Variants in ROBO1 observed in about 807,000 individuals in gnomAD.
The protein encoded by ROBO1 is roundabout guidance receptor 1.
A neutral mutation model predicts 195.9 loss-of-function variants in ROBO1; 149 were observed. The observed-to-expected ratio is 0.76, with a 90% CI of 0.67 to 0.87. The LOEUF is 0.87. Ranked by LOEUF, ROBO1 falls within the 40% of genes least tolerant of loss-of-function variation. ROBO1 has a pLI of 0.00. For synonymous variants in ROBO1, 816 were observed against 733.2 expected (o/e 1.11, Z -1.82); for missense variants, 1,933 against 2,068.3 (o/e 0.93, Z 1.27).
chr3:78,762,038 T>G (rs1191708770), intron 4 of ROBO1, among the ~76,000 whole-genome samples: 3 of 152,072 alleles, frequency 2.0e-5, no homozygotes, highest in East Asian at 3.8e-4. Flanking sequence ...CAAATGAAAT[T>G]CACAGTTGTT....
intron 5 of ROBO1, among the ~76,000 whole-genome samples, chr3:78,726,782 C>T (rs2082172029): frequency 6.6e-6 from 1 of 152,106 alleles, no homozygotes; most frequent in Admixed American, 6.6e-5. Context: ...GTGAAATCAG[C>T]TGCAGTACAG....
intron 4 of ROBO1, among the ~76,000 whole-genome samples, chr3:78,781,994 A>G (rs1344668259): frequency 6.6e-6 from 1 of 152,064 alleles, no homozygotes; most frequent in Non-Finnish European, 1.5e-5. Context: ...ATTATCTTTC[A>G]CTGCAACTGT....
At chr3:79,573,984 A>G (rs751260706) in intron 2 of ROBO1, among the ~76,000 whole-genome samples, 2 of 152,136 alleles carry the variant, frequency 1.3e-5, no homozygotes, top group African/African-American at 2.4e-5. Flanking sequence ...ACAAATTGCA[A>G]CTATCCAGGG....
At chr3:79,569,674 TA>T in intron 2 of ROBO1, among the ~76,000 whole-genome samples, 1 of 105,172 alleles carries the variant, frequency 9.5e-6, no homozygotes, top group Non-Finnish European at 1.9e-5. Flanking sequence ...TGTGTGTGTG[TA>T]TATATGTGTG....
intron 2 of ROBO1, among the ~76,000 whole-genome samples, chr3:79,250,021 A>T (rs2082691420): frequency 6.6e-6 from 1 of 152,216 alleles, no homozygotes; most frequent in South Asian, 2.1e-4. Flanking sequence ...CCAGGGAAGT[A>T]ATCACTAGTT....
chr3:79,669,593 T>G (rs1489811541), intron 1 of ROBO1, among the ~76,000 whole-genome samples: 1 of 151,880 alleles, frequency 6.6e-6, no homozygotes, highest in African/African-American at 2.4e-5. Flanking sequence ...GTAGTAGACT[T>G]TACTATCTAC....
At chr3:78,819,563 TAAATC>T (rs780746197) in intron 4 of ROBO1, among the ~76,000 whole-genome samples, 13 of 152,250 alleles carry the variant, frequency 8.5e-5, no homozygotes, top group Non-Finnish European at 1.5e-4. Flanking sequence ...AGCTGTCTGA[TAAATC>T]AAGTTTCATG....
At chr3:79,260,040 C>CA (rs2082910227) in intron 2 of ROBO1, among the ~76,000 whole-genome samples, 1 of 150,390 alleles carries the variant, frequency 6.6e-6, no homozygotes, top group South Asian at 2.1e-4. Flanking sequence ...AAAGAATGAA[C>CA]AAAAAAATTA....
Position 78,617,923 on chromosome 3 carries a change from C to T in ROBO1, c.3994G>A (p.Asp1332Asn), listed in dbSNP as rs745553909. The change falls in exon 27 of 31, where the codon GAC becomes AAC. Residue 1332 changes from aspartate to asparagine, a missense_variant. Around this residue, in one of 3 missense-constraint regions of ROBO1, gnomAD observed 1,737 missense variants for 1,882.5 expected, o/e 0.92. Coordinates refer to ENST00000464233, the MANE Select transcript of ROBO1 (RefSeq NM_002941.4). Reference protein sequence around the residue: ...MDTDAPEEEEDEADMEVAKMQ... With the variant: ...MDTDAPEEEENEADMEVAKMQ... ...TTGGCTACCTCCATGTCGGCTTCGT[C>T]TTCTTCCTCTTCTGGCGCATCCGTA... The T allele has an allele frequency of 6.2e-7, 1 of 1,614,002 alleles. No individual in the cohort carries two copies. Among genetic ancestry groups the T allele is most frequent in the Non-Finnish European group, 8.5e-7 (1 of 1,179,890 alleles).
At chr3:78,675,343 G>A (rs534532437) in intron 10 of ROBO1, among the ~76,000 whole-genome samples, 103 of 152,010 alleles carry the variant, frequency 6.8e-4, no homozygotes, top group Non-Finnish European at 1.2e-3. Context: ...CACACAGTTC[G>A]CGAGCCGAAG....
intron 2 of ROBO1, among the ~76,000 whole-genome samples, chr3:79,571,628 G>T (rs1236084376): frequency 6.6e-6 from 1 of 150,604 alleles, no homozygotes; most frequent in Non-Finnish European, 1.5e-5. Context: ...AAAAAGAATG[G>T]CATTTAGTTT....
At position 79,754,738 on chromosome 3, in the gene ROBO1, G is replaced by A. The variant is rs192902878; in HGVS notation, c.-51+13014C>T. 2.1e-3 allele frequency among the ~76,000 whole-genome samples: 315 copies of A among 152,234 alleles called. 1 individual carries two copies. The highest frequency in any genetic ancestry group is 4.6e-3 in the Admixed American group (71 of 15,286). On this transcript the variant is annotated intron_variant, in intron 1 of 30. Transcript: ENST00000464233. ...ATCTTTCTTTGCTGCTCTGGAATTA[G>A]CAACTAAGGCAAAATAAAGACCATA...
intron 2 of ROBO1, among the ~76,000 whole-genome samples, chr3:79,571,105 T>G (rs2107747245): frequency 6.6e-6 from 1 of 152,232 alleles, no homozygotes; most frequent in African/African-American, 2.4e-5. Context: ...TAATTCATGG[T>G]ATGTTTTAGG....
chr3:79,316,791 A>G (rs2033755746), intron 2 of ROBO1, among the ~76,000 whole-genome samples: 1 of 152,124 alleles, frequency 6.6e-6, no homozygotes, highest in South Asian at 2.1e-4. Context: ...ATTCTTTGCA[A>G]GATTATGCCA....
chr3:79,117,613 T>G (rs1451011503), intron 3 of ROBO1, among the ~76,000 whole-genome samples: 1 of 152,194 alleles, frequency 6.6e-6, no homozygotes, highest in Non-Finnish European at 1.5e-5. Context: ...ATCTTACTTT[T>G]GCTTGTTACT....
rs58844004 is a variant in ROBO1 at position 79,385,864 on chromosome 3, A to T, written c.88+203960T>A. On this transcript the variant is annotated intron_variant, in intron 2 of 30. Transcript: ENST00000464233. ...AAATCTTCAAATGGTATAGGCTATAATAAAAAGTCAACTTTTATACTGTAG... is the reference window on the plus strand; with the variant it reads ...AAATCTTCAAATGGTATAGGCTATATTAAAAAGTCAACTTTTATACTGTAG... Among the ~76,000 whole-genome samples the T allele has an allele frequency of 2.7e-3, 407 of 152,296 alleles. 3 individuals carry two copies. The highest frequency in any genetic ancestry group is 9.0e-3 in the African/African-American group (376 of 41,558).
chr3:78,732,055 G>A (rs2082297963), intron 5 of ROBO1, among the ~76,000 whole-genome samples: 1 of 151,868 alleles, frequency 6.6e-6, no homozygotes, highest in South Asian at 2.1e-4. Context: ...CCTATATTTT[G>A]GATTAGAAAA....
chr3:78,650,514 C>A (rs1271002153), intron 19 of ROBO1, among the ~76,000 whole-genome samples: 1 of 152,196 alleles, frequency 6.6e-6, no homozygotes, highest in Non-Finnish European at 1.5e-5. Flanking sequence ...TTTTAGACTG[C>A]TGTCCCATAC....
intron 4 of ROBO1, among the ~76,000 whole-genome samples, chr3:78,858,210 C>T (rs2034570560): frequency 6.6e-6 from 1 of 152,090 alleles, no homozygotes; most frequent in Admixed American, 6.6e-5. Flanking sequence ...CGGGGACAGT[C>T]ATTCCCTTAC....
Sources: allele counts gnomAD v4.1 joint callset (sites outside exome capture counted in the v4.1 genomes callset), GRCh38; gene constraint gnomAD v4.1.1; regional missense constraint gnomAD v4.1.1; transcripts MANE v1.5; gene names NCBI Gene and HGNC (gene_info 2026-07-23, HGNC 2026-07-21).